C4BPA: variants seen among roughly 807,000 people sequenced by gnomAD.
C4BPA encodes the protein complement component 4 binding protein alpha, also known as C4b-binding protein alpha chain.
C4BPA carries 31 observed loss-of-function variants against 63.7 expected under a neutral mutation model. The ratio of observed to expected loss-of-function variants is 0.49; its 90% CI spans 0.37 to 0.66. The LOEUF (loss-of-function observed/expected upper bound fraction) is 0.66. C4BPA is among the 30% of genes least tolerant of loss of function. The probability of loss-of-function intolerance (pLI) is 0.00; values close to 1 mark genes in which losing one functional copy is unlikely to be tolerated. For synonymous variants in C4BPA, 259 were observed against 254.7 expected (o/e 1.02, Z -0.16); for missense variants, 572 against 723.3 (o/e 0.79, Z 2.40).
rs781316367 is a variant in C4BPA at position 207,114,299 on chromosome 1, T to C, written c.328+14T>C. 2 of 1,573,430 alleles carry C rather than the reference T, an allele frequency of 1.3e-6. No homozygotes were observed. Among genetic ancestry groups the C allele is most frequent in the Non-Finnish European group, 1.7e-6 (2 of 1,159,732 alleles). On this transcript the variant is annotated intron_variant, in intron 3 of 11. Transcript: ENST00000367070. ...CCTTCTGTATCTGTAAGTATCAACA[T>C]TTATTTTTTTCCTTTGCTTTTCCTA...
chr1:207,111,154 C>T (rs1684660196), intron 1 of C4BPA, among the ~76,000 whole-genome samples: 1 of 152,136 alleles, frequency 6.6e-6, no homozygotes, highest in Middle Eastern at 3.2e-3. Flanking sequence ...TCTCAGCTGT[C>T]TCCAGCTTCA....
chr1:207,106,598 C>T (rs1209727145), intron 1 of C4BPA, among the ~76,000 whole-genome samples: 5 of 151,024 alleles, frequency 3.3e-5, no homozygotes, highest in Admixed American at 6.6e-5. Flanking sequence ...CCCGCCACCA[C>T]GCCCAGCTAA....
At chr1:207,110,600 G>A (rs1273834576) in intron 1 of C4BPA, among the ~76,000 whole-genome samples, 4 of 151,902 alleles carry the variant, frequency 2.6e-5, no homozygotes, top group Non-Finnish European at 4.4e-5. Flanking sequence ...GACCAGCCTG[G>A]GCAACATAGT....
intron 4 of C4BPA, among the ~76,000 whole-genome samples, chr1:207,122,422 T>C (rs999588026): frequency 3.3e-5 from 5 of 152,238 alleles, no homozygotes; most frequent in Non-Finnish European, 7.3e-5. Context: ...TTTGTTTGAC[T>C]ATCTAAATTA....
intron 9 of C4BPA, among the ~76,000 whole-genome samples, chr1:207,138,543 T>C (rs1302946031): frequency 6.6e-6 from 1 of 152,228 alleles, no homozygotes; most frequent in Non-Finnish European, 1.5e-5. Flanking sequence ...GTAACTGTCC[T>C]GTTGACATTT....
intron 1 of C4BPA, among the ~76,000 whole-genome samples, chr1:207,109,551 G>T (rs567854556): frequency 3.3e-5 from 5 of 152,160 alleles, no homozygotes; most frequent in Non-Finnish European, 7.3e-5. Context: ...GAGCCAGGAC[G>T]CCAACTCACA....
chr1:207,139,888 G>T (rs1020712172), intron 9 of C4BPA, among the ~76,000 whole-genome samples: 5 of 152,278 alleles, frequency 3.3e-5, no homozygotes, highest in Middle Eastern at 3.4e-3. Flanking sequence ...TATATATTGG[G>T]CAAAGGATTG....
At chr1:207,113,539 A>C (rs1684714983) in intron 2 of C4BPA, among the ~76,000 whole-genome samples, 1 of 152,214 alleles carries the variant, frequency 6.6e-6, no homozygotes, top group African/African-American at 2.4e-5. Context: ...CAAAAAAAGC[A>C]AAGTTAAGAT....
Position 207,120,385 on chromosome 1 carries a change from G to A in C4BPA, c.429-3537G>A, listed in dbSNP as rs111479486. ...AAATTCACATTTAACTAGGCACCCT[G>A]TATTTGTATTTGCTAAATCCGGCAA... On this transcript the variant is annotated intron_variant, in intron 4 of 11. Coordinates refer to ENST00000367070, the MANE Select transcript of C4BPA (RefSeq NM_000715.4). 1.9e-3 allele frequency among the ~76,000 whole-genome samples: 297 copies of A among 152,336 alleles called. 2 individuals carry two copies. The highest frequency in any genetic ancestry group is 6.8e-3 in the South Asian group (33 of 4,830).
chr1:207,118,248 A>ATCTATCT (rs1684854499), intron 4 of C4BPA, among the ~76,000 whole-genome samples: 1 of 37,414 alleles, frequency 2.7e-5, no homozygotes, highest in African/African-American at 9.5e-5. Context: ...TCTATCTATC[A>ATCTATCT]TCTATCTACT....
chr1:207,116,191 T>A (rs1004393167), intron 4 of C4BPA, among the ~76,000 whole-genome samples: 2 of 152,234 alleles, frequency 1.3e-5, no homozygotes, highest in African/African-American at 4.8e-5. Flanking sequence ...TGTCAAACTT[T>A]CGAAAACTTG....
At chr1:207,137,675 TG>T (rs1357474070) in intron 9 of C4BPA, among the ~76,000 whole-genome samples, 1 of 152,194 alleles carries the variant, frequency 6.6e-6, no homozygotes, top group Non-Finnish European at 1.5e-5. Context: ...TGGAGTGCAG[TG>T]GTGCGATCTC....
rs374378424 is a variant in C4BPA, at chr1:207,113,045, C to T, written c.20C>T (p.Pro7Leu). 4.4e-5 allele frequency: 70 copies of T among 1,600,490 alleles called. 2 individuals are homozygous for T. In the African/African-American group the frequency reaches 5.1e-4, roughly 12 times the overall value. Residue 7 changes from proline (P) to leucine (L), a missense_variant, in exon 2 of 12, where the codon CCA becomes CTA. By Grantham distance (98) the Pro-to-Leu change is moderately conservative. Coordinates refer to ENST00000367070, the MANE Select transcript of C4BPA (RefSeq NM_000715.4). MHPPKT[P>L]SGALHRKRKM... ...CAGGCCATGCACCCCCCAAAAACTC[C>T]ATCTGGGGCTCTTCATAGAAAAAGG...
intron 4 of C4BPA, among the ~76,000 whole-genome samples, chr1:207,117,199 C>T (rs1684816493): frequency 6.6e-6 from 1 of 152,238 alleles, no homozygotes; most frequent in African/African-American, 2.4e-5. Flanking sequence ...CCTGTAATCC[C>T]AGCACTTTGG....
chr1:207,121,378 TTG>T (rs1213395228), intron 4 of C4BPA, among the ~76,000 whole-genome samples: 1 of 152,134 alleles, frequency 6.6e-6, no homozygotes, highest in Non-Finnish European at 1.5e-5. Flanking sequence ...AAAGTACCCA[TTG>T]TGTGTCATTT....
At chr1:207,131,407 G>A (rs1685155685) in intron 7 of C4BPA, 139 bp from the exon 8 acceptor site, 2 of 613,620 alleles carry the variant, frequency 3.3e-6, no homozygotes, top group Non-Finnish European at 5.7e-6. Flanking sequence ...TTTCTGGTGT[G>A]GTTGATACAT....
chr1:207,117,319 C>T (rs1684819217), intron 4 of C4BPA, among the ~76,000 whole-genome samples: 2 of 152,096 alleles, frequency 1.3e-5, no homozygotes, highest in South Asian at 4.1e-4. Context: ...AGTGTGGTAG[C>T]ACGCACTTCT....
intron 1 of C4BPA, 103 bp from the exon 2 acceptor site, chr1:207,112,898 G>T: frequency 2.7e-6 from 3 of 1,112,978 alleles, no homozygotes; most frequent in Non-Finnish European, 3.7e-6. Flanking sequence ...TTCCACTCCA[G>T]GCTGTCATTT....
chr1:207,108,698 C>T (rs1684606213), intron 1 of C4BPA, among the ~76,000 whole-genome samples: 1 of 152,184 alleles, frequency 6.6e-6, no homozygotes. Context: ...GACAATTAGG[C>T]CCAGAGGTCT....
Sources: gnomAD v4.1 joint callset for allele counts (sites outside exome capture counted in the v4.1 genomes callset) on GRCh38, gnomAD v4.1.1 for gene constraint, MANE v1.5 for transcripts, NCBI Gene and HGNC (gene_info 2026-07-23, HGNC 2026-07-21) for gene names.